The following DNHD1 variants were observed in gnomAD, a reference collection of about 807,000 sequenced individuals.
DNHD1 encodes dynein heavy chain domain 1.
DNHD1 carries 383 observed loss-of-function variants against 458.1 expected under a neutral mutation model. The observed-to-expected ratio is 0.84, with a 90% CI of 0.77 to 0.91. The LOEUF (loss-of-function observed/expected upper bound fraction) is 0.91, where lower values mean the gene tolerates loss of function less well. Ranked by LOEUF, DNHD1 falls within the 40% of genes least tolerant of loss-of-function variation. The pLI is 0.00. For synonymous variants in DNHD1, 2,203 were observed against 2,376.9 expected, an observed-to-expected ratio of 0.93 and a Z score of 2.13; for missense variants, 5,336 against 5,866.1, an observed-to-expected ratio of 0.91 and a Z score of 2.95.
At chr11:6,526,177 A>G (rs10769697) in intron 10 of DNHD1, among the ~76,000 whole-genome samples, 75,875 of 151,428 alleles carry the variant, frequency 0.5, 19,433 homozygotes, top group East Asian at 0.84. Context: ...TTTGCCTTCT[A>G]TTTTTCTTGA....
intron 6 of DNHD1, among the ~76,000 whole-genome samples, chr11:6,509,538 A>G (rs1447111032): frequency 6.6e-6 from 1 of 152,110 alleles, no homozygotes; most frequent in East Asian, 1.9e-4. Flanking sequence ...ATTCTATTTC[A>G]TGAATAGAAT....
At position 6,566,966 on chromosome 11, in the gene DNHD1, A is replaced by G; in HGVS notation, c.11457A>G (p.Ile3819Met). 6.2e-7 allele frequency: 1 copy of G among 1,613,960 alleles called. No individual in the cohort carries two copies. The highest frequency in any genetic ancestry group is 1.6e-4 in the Middle Eastern group (1 of 6,062). ...RQKPAKFLRN[I>M]VRAQGKLCQL... ...AGCCAGCCAAGTTTCTGCGGAACAT[A>G]GTGAGGGCCCAAGGAAAGCTATGCC... The change falls in exon 36 of 43, where the codon ATA (isoleucine) becomes ATG (methionine). Residue 3819 changes from isoleucine to methionine, a missense_variant. Ile to Met is a conservative substitution (Grantham distance 10). Around this residue, in one of 4 missense-constraint regions of DNHD1, gnomAD observed 695 missense variants for 804.2 expected, o/e 0.86. Transcript: ENST00000254579.
chr11:6,552,701 G>C (rs1853385303), intron 24 of DNHD1, among the ~76,000 whole-genome samples: 1 of 151,966 alleles, frequency 6.6e-6, no homozygotes, highest in Non-Finnish European at 1.5e-5. Context: ...ATGAGAAATT[G>C]CTCACTATCA....
rs1314456927 is a variant in DNHD1 at position 6,498,957 on chromosome 11, A to T, written c.742A>T (p.Thr248Ser). The T allele has an allele frequency of 1.9e-6, 3 of 1,598,008 alleles. No individual in the cohort carries two copies. Among genetic ancestry groups the T allele is most frequent in the Non-Finnish European group, 2.6e-6 (3 of 1,171,296 alleles). ...AEVEPVGRKE[T>S]RSQLDYEVPR... The stretch of plus-strand genomic sequence containing the variant: ...GGTGGAGCCTGTTGGAAGAAAAGAG[A>T]CCAGGTAAGTGAGGGACTCAGTCTA... The change falls in exon 3 of 43, where the codon ACC (threonine) becomes TCC (serine). Residue 248 changes from threonine (T) to serine (S), a missense_variant. Transcript: ENST00000254579.
chr11:6,558,548 C>T lies in DNHD1; in HGVS notation c.9066C>T (p.His3022=). The T allele has an allele frequency of 6.4e-7, 1 of 1,551,760 alleles. No individual in the cohort carries two copies. Among genetic ancestry groups the T allele is most frequent in the Non-Finnish European group, 8.7e-7 (1 of 1,146,994 alleles). ...LFFLIGDKQA[H]KQLPSTLFLR... ...TCCTGATTGGAGATAAACAGGCCCACAAGCAGCTGCCCTCCACCCTTTTCC... is the reference window on the plus strand; with the variant it reads ...TCCTGATTGGAGATAAACAGGCCCATAAGCAGCTGCCCTCCACCCTTTTCC... Residue 3022 remains histidine (H), a synonymous_variant, in exon 26 of 43, where the codon CAC becomes CAT. Transcript: ENST00000254579.
In DNHD1 at chr11:6,567,611, A is replaced by C. The variant is rs1357966844; in HGVS notation, c.12102A>C (p.Pro4034=). Residue 4034 remains proline (P), a synonymous_variant, in exon 36 of 43, where the codon CCA becomes CCC. Transcript: ENST00000254579. The stretch of plus-strand genomic sequence containing the variant: ...CTGCACCTGGGCCAGGGCCTGAGCC[A>C]CTCAGCCTCCTCCAGAAGCTGATCC... ...LGPAPGPGPE[P]LSLLQKLILW... 1 of 1,613,778 alleles carries C rather than the reference A, an allele frequency of 6.2e-7. No individual in the cohort carries two copies. Among genetic ancestry groups the C allele is most frequent in the Non-Finnish European group, 8.5e-7 (1 of 1,179,814 alleles).
At chr11:6,502,981 C>G in intron 4 of DNHD1, 55 bp downstream of exon 4, 8 of 1,587,022 alleles carry the variant, frequency 5.0e-6, no homozygotes, top group Non-Finnish European at 6.9e-6. Flanking sequence ...TCCTTCTATG[C>G]TATCTTCCCC....
At chr11:6,517,464 C>T (rs1382117410) in intron 7 of DNHD1, among the ~76,000 whole-genome samples, 1 of 151,952 alleles carries the variant, frequency 6.6e-6, no homozygotes, top group East Asian at 1.9e-4. Flanking sequence ...ATAGAAACAT[C>T]GATGTGTCCA....
rs144114328 is a variant in DNHD1 at position 6,519,653 on chromosome 11, C to G, written c.1446C>G (p.Asn482Lys). ...AGTGCCTACAGGAGCGAGTACAAAA[C>G]TGTGACAGGATCAGGACAGGCCAAG... Reference protein sequence around the residue: ...MQQCLQERVQNCDRIRTGQGS... With the variant: ...MQQCLQERVQKCDRIRTGQGS... Residue 482 changes from asparagine (N) to lysine (K), a missense_variant, in exon 8 of 43, where the codon AAC becomes AAG. This residue lies in a region of DNHD1 where 3,932 missense variants were observed against 4,365.6 expected (regional missense o/e 0.90). Transcript: ENST00000254579. 1 of 1,614,180 alleles carries G rather than the reference C, an allele frequency of 6.2e-7. No homozygotes were observed. Among genetic ancestry groups the G allele is most frequent in the African/African-American group, 1.3e-5 (1 of 75,048 alleles).
intron 41 of DNHD1, 96 bp from the exon 42 acceptor site, chr11:6,570,522 G>A (rs1853820287): frequency 6.8e-7 from 1 of 1,480,396 alleles, no homozygotes; most frequent in Non-Finnish European, 9.0e-7. Flanking sequence ...CTGTTATGGG[G>A]GTGATGGCAG....
At position 6,563,469 on chromosome 11, in the gene DNHD1, G is replaced by C; in HGVS notation, c.9757G>C (p.Val3253Leu). 1 of 1,551,750 alleles carries C rather than the reference G, an allele frequency of 6.4e-7. No individual in the cohort carries two copies. Residue 3253 changes from valine to leucine, a missense_variant, in exon 30 of 43, where the codon GTG becomes CTG. By Grantham distance (32) the Val-to-Leu change is conservative. Around this residue, in one of 4 missense-constraint regions of DNHD1, gnomAD observed 3,932 missense variants for 4,365.6 expected, o/e 0.90. Coordinates refer to ENST00000254579, the MANE Select transcript of DNHD1 (RefSeq NM_144666.3). ...IRSYRAPPES[V>L]VRVTDAMCDL... ...GAGCTATCGAGCACCACCAGAATCTGTGGTCCGGGTAACTGATGCAATGTG... is the reference window on the plus strand; with the variant it reads ...GAGCTATCGAGCACCACCAGAATCTCTGGTCCGGGTAACTGATGCAATGTG...
rs530996261 is a variant in DNHD1 at position 6,559,020 on chromosome 11, C to T, written c.9330C>T (p.Val3110=). The change falls in exon 27 of 43, where the codon GTC becomes GTT. Residue 3110 remains valine, a synonymous_variant. Transcript: ENST00000254579. ...HEHLCPALPL[V]TPKTFLDFLD... ...ACCTGTGCCCTGCATTGCCACTCGT[C>T]ACCCCCAAGACCTTCCTAGACTTCC... The T allele has an allele frequency of 1.2e-5, 19 of 1,551,602 alleles. No homozygotes were observed. The highest frequency in any genetic ancestry group is 1.7e-4 in the Middle Eastern group (1 of 6,014).
At chr11:6,499,164 CATAGAGAAATACAGAAATTA>C (rs1220978655) in intron 3 of DNHD1, among the ~76,000 whole-genome samples, 1 of 152,202 alleles carries the variant, frequency 6.6e-6, no homozygotes, top group Non-Finnish European at 1.5e-5. Context: ...TCTTAATCCC[CATAGAGAAATACAGAAATTA>C]ATGAAAATCA....
intron 10 of DNHD1, chr11:6,520,656 G>A: frequency 2.8e-6 from 3 of 1,079,060 alleles, no homozygotes; most frequent in Non-Finnish European, 2.3e-6. Flanking sequence ...TGTTTGAAGA[G>A]CTCTGCTTGC....
At chr11:6,516,287 T>G (rs1234873059) in intron 7 of DNHD1, among the ~76,000 whole-genome samples, 2 of 150,272 alleles carry the variant, frequency 1.3e-5, no homozygotes, top group African/African-American at 5.0e-5. Flanking sequence ...CATAGTACTC[T>G]AATCACTTTT....
Position 6,498,040 on chromosome 11 carries a change from C to T in DNHD1, c.-176C>T, listed in dbSNP as rs1221727573. On this transcript the variant is annotated 5_prime_UTR_variant, in exon 3 of 43. Transcript: ENST00000254579. ...TTTCCCTGTCCCAGGTCCTTTCTTC[C>T]TCCTAACCCCATTGACTCTGACCAT... 4.8e-6 allele frequency: 4 copies of T among 833,934 alleles called. No individual in the cohort carries two copies. The highest frequency in any genetic ancestry group is 7.7e-6 in the Non-Finnish European group (4 of 522,292). 51.7% of individuals were successfully genotyped at this position (833,934 alleles called of 1,614,324 possible). A position where few individuals can be genotyped will look rare whatever the true frequency, so the allele number is the denominator to read the frequency against.
At chr11:6,500,536 T>A (rs1852112442) in intron 3 of DNHD1, among the ~76,000 whole-genome samples, 1 of 152,238 alleles carries the variant, frequency 6.6e-6, no homozygotes, top group South Asian at 2.1e-4. Flanking sequence ...TGGAATCTTT[T>A]CCTTTTTCAA....
chr11:6,566,102 C>T, intron 33 of DNHD1, 111 bp downstream of exon 33: 1 of 1,479,132 alleles, frequency 6.8e-7, no homozygotes, highest in Non-Finnish European at 9.1e-7. Flanking sequence ...TCATCCCAGG[C>T]ACTAACTATA....
intron 10 of DNHD1, 116 bp from the exon 11 acceptor site, chr11:6,528,404 GGT>G (rs55919773): frequency 0.22 from 191,110 of 874,306 alleles, 6,226 homozygotes; most frequent in Non-Finnish European, 0.25. Context: ...GCAGCGAATG[GGT>G]GTGTGTGTGT....
Sources: allele counts gnomAD v4.1 joint callset (sites outside exome capture counted in the v4.1 genomes callset), GRCh38; gene constraint gnomAD v4.1.1; regional missense constraint gnomAD v4.1.1; transcripts MANE v1.5; gene names NCBI Gene and HGNC (gene_info 2026-07-23, HGNC 2026-07-21).